Variants in KLF8 observed in about 807,000 individuals in gnomAD.
KLF8 encodes the protein KLF transcription factor 8.
In KLF8, 10 loss-of-function variants were observed where a neutral mutation model predicts 18.2. That is an observed-to-expected ratio of 0.55 (90% CI 0.34 to 0.93). The LOEUF is 0.93. KLF8 is among the 40% of genes least tolerant of loss of function. The probability of loss-of-function intolerance (pLI) is 0.02; values close to 1 mark genes in which losing one functional copy is unlikely to be tolerated. For synonymous variants in KLF8, 109 were observed against 97.3 expected, an observed-to-expected ratio of 1.12 and a Z score of -0.71; for missense variants, 264 against 277.9, an observed-to-expected ratio of 0.95 and a Z score of 0.36.
At chrX:56,223,173 T>C in the KLF8 span, among the ~76,000 whole-genome samples, 1 of 113,229 alleles carries the variant, frequency 8.8e-6, no homozygotes, top group South Asian at 3.6e-4. Context: ...AGGAGTGATA[T>C]GTTATGTGAT....
intron 3 of KLF8, chrX:56,267,986 A>G (rs1026531017): frequency 1.5e-4 from 16 of 110,034 alleles, no homozygotes; most frequent in Admixed American, 1.4e-3. Context: ...TCTGGTAACT[A>G]CCATTCTACT....
the KLF8 span, among the ~76,000 whole-genome samples, chrX:55,939,052 C>T: frequency 2.7e-5 from 3 of 111,723 alleles, no homozygotes; most frequent in Non-Finnish European, 5.6e-5. Flanking sequence ...AACTCTACAC[C>T]CCAAATCAGC....
At chrX:56,205,400 A>G in the KLF8 span, among the ~76,000 whole-genome samples, 1 of 111,850 alleles carries the variant, frequency 8.9e-6, no homozygotes, top group Non-Finnish European at 1.9e-5. Context: ...AACACAGTTA[A>G]TGTCTGTCAT....
At chrX:56,171,080 C>A in the KLF8 span, among the ~76,000 whole-genome samples, 2 of 111,723 alleles carry the variant, frequency 1.8e-5, no homozygotes, top group African/African-American at 3.2e-5. Flanking sequence ...TCTGAAGGTA[C>A]AAAACTCACT....
the KLF8 span, among the ~76,000 whole-genome samples, chrX:55,932,925 C>T: frequency 5.4e-5 from 6 of 111,652 alleles, no homozygotes; most frequent in African/African-American, 1.3e-4. Flanking sequence ...ATTCAAGTCA[C>T]TAAGTGCACC....
chrX:56,100,306 C>A, the KLF8 span, among the ~76,000 whole-genome samples: 3 of 111,584 alleles, frequency 2.7e-5, no homozygotes, highest in East Asian at 2.8e-4. Context: ...AAAAAATATT[C>A]TTTTCAAAAT....
At chrX:56,012,350 G>A in the KLF8 span, among the ~76,000 whole-genome samples, 1 of 111,643 alleles carries the variant, frequency 9.0e-6, no homozygotes, top group Non-Finnish European at 1.9e-5. Context: ...AAAAACACAT[G>A]ATTAACTCAA....
the KLF8 span, among the ~76,000 whole-genome samples, chrX:56,121,142 C>A: frequency 9.7e-6 from 1 of 103,315 alleles, no homozygotes; most frequent in African/African-American, 3.6e-5. Flanking sequence ...GCCGAGATCC[C>A]GCCACTGCAC....
At chrX:56,200,725 TTAA>T in the KLF8 span, among the ~76,000 whole-genome samples, 2 of 111,195 alleles carry the variant, frequency 1.8e-5, no homozygotes, top group African/African-American at 6.5e-5. Flanking sequence ...GATAAATGTG[TTAA>T]TAATCAAATA....
the KLF8 span, among the ~76,000 whole-genome samples, chrX:56,192,355 C>G: frequency 9.0e-6 from 1 of 111,608 alleles, no homozygotes; most frequent in Non-Finnish European, 1.9e-5. Flanking sequence ...ATATTCCATG[C>G]TCATGTACTG....
At chrX:55,979,483 G>T in the KLF8 span, among the ~76,000 whole-genome samples, 1 of 112,099 alleles carries the variant, frequency 8.9e-6, no homozygotes, top group African/African-American at 3.2e-5. Context: ...CTCCTGTAGG[G>T]AAATATAAAA....
chrX:55,985,566 C>T, the KLF8 span, among the ~76,000 whole-genome samples: 7 of 111,190 alleles, frequency 6.3e-5, no homozygotes, highest in Non-Finnish European at 1.1e-4. Flanking sequence ...CATGATGCCT[C>T]CAGCTTTGTT....
chrX:56,067,355 A>G, the KLF8 span, among the ~76,000 whole-genome samples: 1 of 109,044 alleles, frequency 9.2e-6, no homozygotes, highest in Non-Finnish European at 1.9e-5. Flanking sequence ...GTTATTTTTC[A>G]TTTGAATAGT....
the KLF8 span, among the ~76,000 whole-genome samples, chrX:56,083,840 A>G: frequency 8.9e-6 from 1 of 111,761 alleles, no homozygotes; most frequent in Non-Finnish European, 1.9e-5. Context: ...TGAGACTATA[A>G]CTAATGCCTG....
At chrX:55,977,512 T>C in the KLF8 span, among the ~76,000 whole-genome samples, 91 of 110,373 alleles carry the variant, frequency 8.2e-4, no homozygotes, top group African/African-American at 2.9e-3. Flanking sequence ...TGTGTGTGTG[T>C]GCTCCACAAA....
At chrX:56,219,840 A>C in the KLF8 span, among the ~76,000 whole-genome samples, 1 of 112,184 alleles carries the variant, frequency 8.9e-6, no homozygotes, top group African/African-American at 3.2e-5. Context: ...CAACACAGCC[A>C]GACTGTCTCA....
At chrX:56,178,495 C>T in the KLF8 span, among the ~76,000 whole-genome samples, 1 of 112,090 alleles carries the variant, frequency 8.9e-6, no homozygotes, top group Non-Finnish European at 1.9e-5. Context: ...TAATTAGATC[C>T]CATTTGTCAA....
chrX:56,199,774 A>C, the KLF8 span, among the ~76,000 whole-genome samples: 1 of 111,773 alleles, frequency 8.9e-6, no homozygotes, highest in Non-Finnish European at 1.9e-5. Flanking sequence ...ATAAAGACAC[A>C]TGCACACGTA....
At chrX:56,132,268 T>C in the KLF8 span, among the ~76,000 whole-genome samples, 2 of 111,260 alleles carry the variant, frequency 1.8e-5, no homozygotes, top group African/African-American at 6.5e-5. Context: ...TTTAAGAAAA[T>C]TGAAATTACA....
Sources: gnomAD v4.1 joint callset for allele counts (sites outside exome capture counted in the v4.1 genomes callset) on GRCh38, gnomAD v4.1.1 for gene constraint, MANE v1.5 for transcripts, NCBI Gene and HGNC (gene_info 2026-07-23, HGNC 2026-07-21) for gene names.